The following PCDHGB4 variants were observed in gnomAD, a reference collection of about 807,000 sequenced individuals.
The protein encoded by PCDHGB4 is protocadherin gamma subfamily B, 4.
A neutral mutation model predicts 60.5 loss-of-function variants in PCDHGB4; 38 were observed. The ratio of observed to expected loss-of-function variants is 0.63; its 90% CI spans 0.48 to 0.82. The LOEUF is 0.82. PCDHGB4 is among the 40% of genes least tolerant of loss of function. The pLI is 0.00. For synonymous variants in PCDHGB4, 456 were observed against 509.7 expected, an observed-to-expected ratio of 0.89 and a Z score of 1.42; for missense variants, 1,109 against 1,209.6, an observed-to-expected ratio of 0.92 and a Z score of 1.23.
intron 1 of PCDHGB4, chr5:141,423,372 C>G: frequency 6.2e-7 from 1 of 1,614,178 alleles, no homozygotes; most frequent in Non-Finnish European, 8.5e-7. Context: ...TGCTGGCACT[C>G]AGGCTGTGGC....
At chr5:141,499,186 T>A (rs1332703037) in intron 2 of PCDHGB4, among the ~76,000 whole-genome samples, 2 of 152,036 alleles carry the variant, frequency 1.3e-5, no homozygotes, top group Non-Finnish European at 2.9e-5. Context: ...AGCAAACCAT[T>A]TCCCCCTTCT....
intron 1 of PCDHGB4, among the ~76,000 whole-genome samples, chr5:141,492,760 C>T (rs991820569): frequency 1.3e-5 from 2 of 152,212 alleles, no homozygotes; most frequent in Admixed American, 1.3e-4. Context: ...CAGGGCTCCG[C>T]GTTGGGCGAG....
chr5:141,398,787 A>C, intron 1 of PCDHGB4: 1 of 1,613,902 alleles, frequency 6.2e-7, no homozygotes, highest in South Asian at 1.1e-5. Context: ...GTGGACATCC[A>C]CCCCTAAGCG....
intron 1 of PCDHGB4, chr5:141,408,110 T>G: frequency 2.8e-6 from 4 of 1,445,204 alleles, no homozygotes; most frequent in Non-Finnish European, 2.7e-6. Context: ...GACCCGGGAC[T>G]CCTCCTGTCC....
In PCDHGB4 at chr5:141,511,618, T is replaced by C. The variant is rs1227028784; in HGVS notation, c.*445T>C. 4.3e-6 allele frequency: 1 copy of C among 232,232 alleles called. No homozygotes were observed. Among genetic ancestry groups the C allele is most frequent in the East Asian group, 9.9e-5 (1 of 10,122 alleles). 14.4% of individuals were successfully genotyped at this position (232,232 alleles called of 1,614,324 possible). A position where few individuals can be genotyped will look rare whatever the true frequency, so the allele number is the denominator to read the frequency against. ...AAGTAACCTACAAGCCTCCTAGTTCTGAAAAGTTGGAAGGGCATCATGACC... is the reference window on the plus strand; with the variant it reads ...AAGTAACCTACAAGCCTCCTAGTTCCGAAAAGTTGGAAGGGCATCATGACC... On this transcript the variant is annotated 3_prime_UTR_variant, in exon 4 of 4. Transcript: ENST00000519479.
Position 141,491,004 on chromosome 5 carries a change from G to T in PCDHGB4, c.2398-3803G>T. ...CTCGCTCTGCTCCTCCTGGCTCCTT[G>T]GTCACCAAGGTGACAGCCGTGGATG... On this transcript the variant is annotated intron_variant, in intron 1 of 3. Transcript: ENST00000519479. The surrounding 1 kb of genome is among the most constrained non-coding windows in gnomAD (Gnocchi z 6.9). The T allele has an allele frequency of 6.2e-7, 1 of 1,614,024 alleles. No individual in the cohort carries two copies. Among genetic ancestry groups the T allele is most frequent in the Non-Finnish European group, 8.5e-7 (1 of 1,180,026 alleles).
chr5:141,420,511 A>G (rs958868048), intron 1 of PCDHGB4: 23 of 419,992 alleles, frequency 5.5e-5, no homozygotes, highest in Middle Eastern at 6.5e-4. Context: ...ATTTTTATGA[A>G]GTAAAATACC....
chr5:141,414,311 ACT>A (rs1421551588), intron 1 of PCDHGB4: 5 of 1,613,710 alleles, frequency 3.1e-6, no homozygotes, highest in Non-Finnish European at 4.2e-6. Flanking sequence ...CATGATTTAG[ACT>A]CTGAGCAGAA....
chr5:141,387,894 G>C lies in PCDHGB4; in HGVS notation c.10G>C (p.Gly4Arg). 3 of 1,540,604 alleles carry C rather than the reference G, an allele frequency of 1.9e-6. No homozygotes were observed. The highest frequency in any genetic ancestry group is 8.7e-7 in the Non-Finnish European group (1 of 1,152,086). The change falls in exon 1 of 4, where the codon GGC becomes CGC. Residue 4 changes from glycine to arginine, a missense_variant. Gly to Arg is a moderately radical substitution (Grantham distance 125, BLOSUM62 -2). Transcript: ENST00000519479. ...GAGGAGAGCAAGAGGGATGGGGAGC[G>C]GCGCCGGGGAGCTGGGCCGGGCTGA... MGSGAGELGRAERL... is the reference protein window; with the variant it reads MGSRAGELGRAERL...
At position 141,486,059 on chromosome 5, in the gene PCDHGB4, C is replaced by T. The variant is rs141349392; in HGVS notation, c.2398-8748C>T. ...TCGTGTAAGAAACCTCTTTAGCCTG[C>T]ACCCCACTACTGGAAAGCTTACTCT... On this transcript the variant is annotated intron_variant, in intron 1 of 3. Transcript: ENST00000519479. The surrounding 1 kb of genome is among the most constrained non-coding windows in gnomAD (Gnocchi z 5.0). The T allele has an allele frequency of 9.0e-5, 146 of 1,614,034 alleles. No individual in the cohort carries two copies. The highest frequency in any genetic ancestry group is 1.2e-4 in the Non-Finnish European group (138 of 1,180,018).
chr5:141,476,317 G>T lies in PCDHGB4; in HGVS notation c.2398-18490G>T, dbSNP rs759809060. ...GTAGCCTCTCAGCCCGCAGGTTCCG[G>T]GTGGTGTCTGGAGCTAGCCGAAGAT... On this transcript the variant is annotated intron_variant, in intron 1 of 3. Transcript: ENST00000519479. This position sits in a 1 kb window ranked among gnomAD's most constrained non-coding sequence, Gnocchi z 7.6. 1.9e-6 allele frequency: 3 copies of T among 1,614,170 alleles called. No individual in the cohort carries two copies. The highest frequency in any genetic ancestry group is 1.7e-5 in the Admixed American group (1 of 60,024).
intron 1 of PCDHGB4, among the ~76,000 whole-genome samples, chr5:141,456,187 A>G (rs989106132): frequency 3.9e-5 from 6 of 152,084 alleles, no homozygotes; most frequent in African/African-American, 1.4e-4. Flanking sequence ...TAATTTCTTA[A>G]TAACTCCTAC....
intron 1 of PCDHGB4, chr5:141,399,529 G>C: frequency 6.2e-7 from 1 of 1,614,010 alleles, no homozygotes; most frequent in African/African-American, 1.3e-5. Context: ...GGCCTCCATC[G>C]CGCAAGTCTG....
In PCDHGB4 at chr5:141,491,721, C is replaced by T. The variant is rs761584159; in HGVS notation, c.2398-3086C>T. On this transcript the variant is annotated intron_variant, in intron 1 of 3. Transcript: ENST00000519479. The surrounding 1 kb of genome is among the most constrained non-coding windows in gnomAD (Gnocchi z 6.9). The stretch of plus-strand genomic sequence containing the variant: ...GCCAGGTGAGGGGCTCGGCGCCGCC[C>T]CGGGCGACCCCTGGGGGCGGCACTG... 3 of 1,607,250 alleles carry T rather than the reference C, an allele frequency of 1.9e-6. No homozygotes were observed. Among genetic ancestry groups the T allele is most frequent in the Admixed American group, 1.7e-5 (1 of 58,860 alleles).
In PCDHGB4 at chr5:141,389,785, A is replaced by ACGCCGTCCGCCAGCGCCTTCTGGT. The variant is rs780757695; in HGVS notation, c.1908_1931dup (p.Gln638_Arg645dup). ...ACAGCGCGTGCCTTAGGCGACAGGG[A>ACGCCGTCCGCCAGCGCCTTCTGGT]CGCCGTCCGCCAGCGCCTTCTGGTC... On this transcript the variant is annotated inframe_insertion, in exon 1 of 4. Coordinates refer to ENST00000519479, the MANE Select transcript of PCDHGB4 (RefSeq NM_003736.4). 6.2e-7 allele frequency: 1 copy of ACGCCGTCCGCCAGCGCCTTCTGGT among 1,613,332 alleles called. No individual in the cohort carries two copies. Among genetic ancestry groups the ACGCCGTCCGCCAGCGCCTTCTGGT allele is most frequent in the South Asian group, 1.1e-5 (1 of 91,038 alleles).
chr5:141,499,565 C>T (rs1291006795), intron 2 of PCDHGB4, among the ~76,000 whole-genome samples: 1 of 152,168 alleles, frequency 6.6e-6, no homozygotes, highest in East Asian at 1.9e-4. Flanking sequence ...CACTATCCAG[C>T]TTCAACTAAT....
At chr5:141,480,198 G>A (rs1280951298) in intron 1 of PCDHGB4, among the ~76,000 whole-genome samples, 2 of 150,780 alleles carry the variant, frequency 1.3e-5, no homozygotes, top group African/African-American at 4.9e-5. Flanking sequence ...GAGGCCAGCA[G>A]TTCAAGACCA....
intron 3 of PCDHGB4, among the ~76,000 whole-genome samples, chr5:141,508,937 G>T (rs764041162): frequency 3.0e-4 from 45 of 152,040 alleles, no homozygotes; most frequent in Non-Finnish European, 6.3e-4. Flanking sequence ...AGTTAATTAG[G>T]GAAAACAGAG....
chr5:141,512,702 C>T lies in PCDHGB4; in HGVS notation c.*1529C>T, dbSNP rs940927635. 2.0e-5 allele frequency: 3 copies of T among 152,828 alleles called. No homozygotes were observed. Among genetic ancestry groups the T allele is most frequent in the Non-Finnish European group, 2.9e-5 (2 of 68,560 alleles). The allele number at this position is 152,828 out of a possible 1,614,324, so 9.5% of individuals were successfully genotyped here. ...ATAGCCAGTAGTGTAGTGCGGTGTG[C>T]TTTTACGTGATGGCGGGTGGGCAGC... On this transcript the variant is annotated 3_prime_UTR_variant, in exon 4 of 4. Transcript: ENST00000519479.
Sources: gnomAD v4.1 joint callset for allele counts (sites outside exome capture counted in the v4.1 genomes callset) on GRCh38, gnomAD v4.1.1 for gene constraint, Gnocchi (gnomAD v3.1) non-coding constraint, MANE v1.5 for transcripts, NCBI Gene and HGNC (gene_info 2026-07-23, HGNC 2026-07-21) for gene names.